Variants in LINGO2 observed in about 807,000 individuals in gnomAD.
LINGO2 encodes the protein leucine rich repeat and Ig domain containing 2, also known as leucine-rich repeat and immunoglobulin-like domain-containing nogo receptor-interacting protein 2.
Under a neutral mutation model 30.6 loss-of-function variants are expected in LINGO2, and 14 were observed. That is an observed-to-expected ratio of 0.46 (90% CI 0.30 to 0.72). The LOEUF is 0.72. Ranked by LOEUF, LINGO2 falls within the 30% of genes least tolerant of loss-of-function variation. The probability of loss-of-function intolerance (pLI) is 0.07; values close to 1 mark genes in which losing one functional copy is unlikely to be tolerated. For missense variants in LINGO2, 729 were observed against 751.7 expected (o/e 0.97, Z 0.35); for synonymous variants, 317 against 288.5 (o/e 1.10, Z -1.00).
At chr9:28,359,230 CT>C (rs1367010406) in intron 3 of LINGO2, among the ~76,000 whole-genome samples, 4 of 152,142 alleles carry the variant, frequency 2.6e-5, no homozygotes, top group East Asian at 3.9e-4. Flanking sequence ...CCCTGAGTTC[CT>C]GTCAGAGCTA....
At chr9:28,925,856 T>C in the LINGO2 span, among the ~76,000 whole-genome samples, 1 of 152,178 alleles carries the variant, frequency 6.6e-6, no homozygotes, top group Non-Finnish European at 1.5e-5. Context: ...CAAAACTCTT[T>C]CACTTACAAG....
At chr9:28,711,129 A>G in the LINGO2 span, among the ~76,000 whole-genome samples, 1 of 152,120 alleles carries the variant, frequency 6.6e-6, no homozygotes, top group Non-Finnish European at 1.5e-5. Context: ...TAGGTAAAAA[A>G]ATGTATTTAT....
chr9:29,028,199 A>T, the LINGO2 span, among the ~76,000 whole-genome samples: 1 of 152,174 alleles, frequency 6.6e-6, no homozygotes, highest in East Asian at 1.9e-4. Flanking sequence ...CTCTCACAGT[A>T]ACATAAAAGT....
chr9:29,072,976 C>T, the LINGO2 span, among the ~76,000 whole-genome samples: 2 of 151,000 alleles, frequency 1.3e-5, no homozygotes, highest in African/African-American at 2.4e-5. Context: ...CTCCATCTCT[C>T]CCTCTCTCCT....
chr9:28,690,435 T>G, the LINGO2 span, among the ~76,000 whole-genome samples: 1 of 152,136 alleles, frequency 6.6e-6, no homozygotes, highest in Non-Finnish European at 1.5e-5. Context: ...AAAAGAAAAC[T>G]AATACAATGT....
At chr9:28,004,631 T>C (rs1822167923) in intron 5 of LINGO2, among the ~76,000 whole-genome samples, 1 of 152,130 alleles carries the variant, frequency 6.6e-6, no homozygotes, top group Admixed American at 6.5e-5. Flanking sequence ...TAAGTAGTTT[T>C]TTTTCCCCAG....
At chr9:28,641,850 T>C (rs926271541) in intron 1 of LINGO2, among the ~76,000 whole-genome samples, 15 of 152,280 alleles carry the variant, frequency 9.9e-5, no homozygotes, top group African/African-American at 3.6e-4. Context: ...CCATTAATAG[T>C]GAAGCATGAG....
At chr9:28,325,205 G>C (rs1237924110) in intron 3 of LINGO2, among the ~76,000 whole-genome samples, 3 of 151,948 alleles carry the variant, frequency 2.0e-5, no homozygotes, top group Admixed American at 2.0e-4. Context: ...TTTCCTTAGG[G>C]CATTTATATT....
chr9:27,967,922 A>G (rs1324773912), intron 5 of LINGO2, among the ~76,000 whole-genome samples: 3 of 152,200 alleles, frequency 2.0e-5, no homozygotes, highest in Non-Finnish European at 4.4e-5. Flanking sequence ...CTAAGCAAGA[A>G]CATGCAATTC....
chr9:28,601,589 G>A (rs1825479031), intron 1 of LINGO2, among the ~76,000 whole-genome samples: 1 of 151,862 alleles, frequency 6.6e-6, no homozygotes, highest in African/African-American at 2.4e-5. Context: ...TCTTATTATG[G>A]TGTTTGCTTT....
At chr9:28,584,403 C>A (rs1051970065) in intron 1 of LINGO2, among the ~76,000 whole-genome samples, 1 of 152,066 alleles carries the variant, frequency 6.6e-6, no homozygotes, top group African/African-American at 2.4e-5. Flanking sequence ...CCCCAAATTC[C>A]TATTAACACT....
At chr9:28,494,187 A>G (rs1819492880) in intron 1 of LINGO2, among the ~76,000 whole-genome samples, 1 of 152,102 alleles carries the variant, frequency 6.6e-6, no homozygotes, top group Non-Finnish European at 1.5e-5. Flanking sequence ...CAAAAACACA[A>G]TTACCTTTGT....
At chr9:28,769,420 A>T in the LINGO2 span, among the ~76,000 whole-genome samples, 14 of 141,774 alleles carry the variant, frequency 9.9e-5, no homozygotes, top group African/African-American at 3.4e-4. Context: ...TAAAAAAAAA[A>T]AGTCTGATGA....
At chr9:28,552,815 C>A (rs1822375442) in intron 1 of LINGO2, among the ~76,000 whole-genome samples, 1 of 150,076 alleles carries the variant, frequency 6.7e-6, no homozygotes, top group South Asian at 2.1e-4. Flanking sequence ...CATTCTGGAA[C>A]AGCTTTTCAA....
chr9:28,110,546 C>T (rs1382841851), intron 4 of LINGO2, among the ~76,000 whole-genome samples: 1 of 151,870 alleles, frequency 6.6e-6, no homozygotes, highest in Admixed American at 6.6e-5. Context: ...AACAAATTTA[C>T]AAGAAAATAA....
chr9:28,188,806 T>C, intron 4 of LINGO2, among the ~76,000 whole-genome samples: 1 of 152,180 alleles, frequency 6.6e-6, no homozygotes, highest in East Asian at 1.9e-4. Flanking sequence ...AGAGGTCTTA[T>C]AGGCTGCTGT....
the LINGO2 span, among the ~76,000 whole-genome samples, chr9:28,949,569 G>A: frequency 3.3e-5 from 5 of 152,208 alleles, no homozygotes; most frequent in Non-Finnish European, 5.9e-5. Context: ...GGAAGAAGTC[G>A]AATCCCTGAA....
At chr9:28,544,968 G>T (rs1304719177) in intron 1 of LINGO2, among the ~76,000 whole-genome samples, 1 of 151,466 alleles carries the variant, frequency 6.6e-6, no homozygotes, top group Non-Finnish European at 1.5e-5. Flanking sequence ...ACTTATTTTG[G>T]AAGAGGTACT....
chr9:28,846,863 T>C, the LINGO2 span, among the ~76,000 whole-genome samples: 1 of 147,584 alleles, frequency 6.8e-6, no homozygotes, highest in Non-Finnish European at 1.5e-5. Flanking sequence ...CACTCACATT[T>C]ACATATTCAT....
Sources: gnomAD v4.1 joint callset for allele counts (sites outside exome capture counted in the v4.1 genomes callset) on GRCh38, gnomAD v4.1.1 for gene constraint, MANE v1.5 for transcripts, NCBI Gene and HGNC (gene_info 2026-07-23, HGNC 2026-07-21) for gene names.